Variants in THRAP3 observed in about 807,000 individuals in gnomAD.
THRAP3 encodes thyroid hormone receptor-associated protein 3.
THRAP3 carries 16 observed loss-of-function variants against 101.0 expected under a neutral mutation model. That is an observed-to-expected ratio of 0.16 (90% confidence interval 0.11 to 0.24). The LOEUF is 0.24. THRAP3 is among the 10% of genes least tolerant of loss of function. The pLI, the probability that THRAP3 is intolerant of heterozygous loss-of-function variation, is 1.00. For synonymous variants in THRAP3, 407 were observed against 422.6 expected, an observed-to-expected ratio of 0.96 and a Z score of 0.45; for missense variants, 989 against 1,202.7, an observed-to-expected ratio of 0.82 and a Z score of 2.63.
chr1:36,245,376 C>T (rs1379702773), intron 1 of THRAP3, among the ~76,000 whole-genome samples: 1 of 151,976 alleles, frequency 6.6e-6, no homozygotes, highest in Non-Finnish European at 1.5e-5. Flanking sequence ...ACCATTTTGG[C>T]CAGGCTGGTC....
chr1:36,264,560 C>CGTT (rs1456265533), intron 2 of THRAP3, among the ~76,000 whole-genome samples: 11 of 152,196 alleles, frequency 7.2e-5, no homozygotes, highest in Admixed American at 7.2e-4. Context: ...TATTTCCTCA[C>CGTT]CTAACACCCA....
At chr1:36,238,084 C>T (rs1010224677) in intron 1 of THRAP3, among the ~76,000 whole-genome samples, 15 of 152,040 alleles carry the variant, frequency 9.9e-5, no homozygotes, top group African/African-American at 2.9e-4. Context: ...CCACTCATCT[C>T]GGCCTCCCAA....
intron 2 of THRAP3, among the ~76,000 whole-genome samples, chr1:36,281,808 C>T (rs372164860): frequency 2.0e-5 from 3 of 151,960 alleles, no homozygotes; most frequent in Admixed American, 6.6e-5. Context: ...CGGTGGCTCA[C>T]GCCTGTAATC....
intron 1 of THRAP3, among the ~76,000 whole-genome samples, chr1:36,249,001 A>G (rs938189341): frequency 1.3e-5 from 2 of 150,414 alleles, no homozygotes; most frequent in Non-Finnish European, 3.0e-5. Context: ...CCTGGGTTCA[A>G]ATGATTCTCC....
At chr1:36,221,785 C>T (rs1208472991), upstream of THRAP3, among the ~76,000 whole-genome samples, 1 of 150,918 alleles carries the variant, frequency 6.6e-6, no homozygotes. Context: ...GGAGTTTCAC[C>T]GTGTTGGTCA....
chr1:36,301,428 CCAG>C (rs1646029231), intron 10 of THRAP3, 122 bp from the exon 11 acceptor site: 1 of 1,245,002 alleles, frequency 8.0e-7, no homozygotes, highest in African/African-American at 1.5e-5. Context: ...AACCAGCTGA[CCAG>C]CATATGACTG....
Position 36,286,221 on chromosome 1 carries a change from A to G in THRAP3, c.138-147A>G. ...TTTGTACTTAGTAAGGGCCATACGT[A>G]GTGGGATTAAATATTTGTGCCCTTG... On this transcript the variant is annotated intron_variant, in intron 3 of 11. Transcript: ENST00000354618. The surrounding 1 kb of genome is among the most constrained non-coding windows in gnomAD (Gnocchi z 5.5). 1 of 714,988 alleles carries G rather than the reference A, an allele frequency of 1.4e-6. No individual in the cohort carries two copies. Among genetic ancestry groups the G allele is most frequent in the African/African-American group, 1.8e-5 (1 of 56,022 alleles). 44.3% of individuals were successfully genotyped at this position (714,988 alleles called of 1,614,324 possible).
chr1:36,254,161 C>T (rs1429255929), intron 1 of THRAP3, among the ~76,000 whole-genome samples: 1 of 152,098 alleles, frequency 6.6e-6, no homozygotes, highest in East Asian at 1.9e-4. Flanking sequence ...GTGACGGAGA[C>T]CACGTCTCAA....
intron 1 of THRAP3, among the ~76,000 whole-genome samples, chr1:36,229,636 TGTTTGTTTGTTTGTTC>T (rs1007606136): frequency 5.3e-5 from 8 of 150,116 alleles, no homozygotes; most frequent in Non-Finnish European, 1.0e-4. Context: ...TGGAGCTTTT[TGTTTGTTTGTTTGTTC>T]GTTTGTTTGT....
At chr1:36,293,143 C>G (rs1645899814) in intron 7 of THRAP3, among the ~76,000 whole-genome samples, 1 of 140,566 alleles carries the variant, frequency 7.1e-6, no homozygotes, top group Non-Finnish European at 1.5e-5. Context: ...ATTCTCATGC[C>G]TTAGCCTCCC....
At chr1:36,288,469 A>G (rs1570331635) in intron 4 of THRAP3, 1 of 985,428 alleles carries the variant, frequency 1.0e-6, no homozygotes, top group Non-Finnish European at 1.2e-6. Context: ...CTGCTTTTCC[A>G]TAAGAAAGAG....
intron 1 of THRAP3, among the ~76,000 whole-genome samples, chr1:36,248,147 T>C (rs1427748909): frequency 6.6e-6 from 1 of 152,204 alleles, no homozygotes; most frequent in Admixed American, 6.6e-5. Flanking sequence ...ACCAAAGTGC[T>C]GGGATTACAG....
rs1645807717 is a variant in THRAP3, at chr1:36,287,204, G to C, written c.974G>C (p.Gly325Ala). The C allele has an allele frequency of 1.2e-6, 2 of 1,614,130 alleles. No individual in the cohort carries two copies. The highest frequency in any genetic ancestry group is 4.5e-5 in the East Asian group (2 of 44,884). ...SPVGKSPPSTGSTYGSSQKEE... is the reference protein window; with the variant it reads ...SPVGKSPPSTASTYGSSQKEE... Reference sequence around the variant, plus strand: ...GTGGGTAAGAGTCCACCATCCACTGGCTCCACATATGGCTCATCTCAGAAG... The same window carrying C: ...GTGGGTAAGAGTCCACCATCCACTGCCTCCACATATGGCTCATCTCAGAAG... The change falls in exon 4 of 12, where the codon GGC becomes GCC. Residue 325 changes from glycine to alanine, a missense_variant. Transcript: ENST00000354618.
chr1:36,304,163 G>C lies in THRAP3; in HGVS notation c.*146G>C, dbSNP rs926346929. The C allele has an allele frequency of 6.3e-6, 8 of 1,261,510 alleles. No individual in the cohort carries two copies. In the African/African-American group the frequency reaches 1.2e-4, roughly 19 times the overall value. The allele number at this position is 1,261,510 out of a possible 1,614,324, so 78.1% of individuals were successfully genotyped here. A position where few individuals can be genotyped will look rare whatever the true frequency, so the allele number is the denominator to read the frequency against. On this transcript the variant is annotated 3_prime_UTR_variant, in exon 12 of 12. Coordinates refer to ENST00000354618, the MANE Select transcript of THRAP3 (RefSeq NM_005119.4). ...CGCACAGATTGTACTACCGCGAGAGGCATCCCTGGCGCTGTCTCCCACTGG... is the reference window on the plus strand; with the variant it reads ...CGCACAGATTGTACTACCGCGAGAGCCATCCCTGGCGCTGTCTCCCACTGG...
chr1:36,275,873 G>A (rs1267547033), intron 2 of THRAP3, among the ~76,000 whole-genome samples: 9 of 151,976 alleles, frequency 5.9e-5, no homozygotes, highest in Non-Finnish European at 1.0e-4. Flanking sequence ...ACAAATATTA[G>A]CCAGGCATGG....
chr1:36,289,722 A>G lies in THRAP3; in HGVS notation c.1703A>G (p.Gln568Arg), dbSNP rs1297971813. 1 of 1,613,530 alleles carries G rather than the reference A, an allele frequency of 6.2e-7. No individual in the cohort carries two copies. The highest frequency in any genetic ancestry group is 2.2e-5 in the East Asian group (1 of 44,888). The change falls in exon 5 of 12, where the codon CAG (glutamine) becomes CGG (arginine). Residue 568 changes from glutamine to arginine, a missense_variant. Transcript: ENST00000354618. Reference protein sequence around the residue: ...KSSFSITREAQVNVRMDSFDE... With the variant: ...KSSFSITREARVNVRMDSFDE... The stretch of plus-strand genomic sequence containing the variant: ...TCCTTTTCCATTACTCGAGAGGCAC[A>G]GGTCAATGTCCGGATGGACTCTTTT...
At position 36,239,070 on chromosome 1, in the gene THRAP3, A is replaced by G. The variant is rs536441311; in HGVS notation, c.-135+14565A>G. On this transcript the variant is annotated intron_variant, in intron 1 of 11. Transcript: ENST00000354618. ...TGCCTCAGCCTCCCAAGTAGCTGGG[A>G]GTACAGGTGCCCACAACCACACCCG... Among the ~76,000 whole-genome samples the G allele has an allele frequency of 1.2e-4, 18 of 151,700 alleles. No homozygotes were observed. The East Asian group carries it at 3.3e-3, about 28-fold the overall frequency.
chr1:36,287,718 A>T, intron 4 of THRAP3: 1 of 985,462 alleles, frequency 1.0e-6, no homozygotes. Flanking sequence ...CCTCCAGTTG[A>T]GGAGACTGGG....
chr1:36,248,240 A>G (rs781234229), intron 1 of THRAP3, among the ~76,000 whole-genome samples: 1 of 151,774 alleles, frequency 6.6e-6, no homozygotes, highest in Non-Finnish European at 1.5e-5. Context: ...ATTTTTGTTC[A>G]TCTCCTCAGT....
Sources: gnomAD v4.1 joint callset for allele counts (sites outside exome capture counted in the v4.1 genomes callset) on GRCh38, gnomAD v4.1.1 for gene constraint, Gnocchi (gnomAD v3.1) non-coding constraint, MANE v1.5 for transcripts, NCBI Gene and HGNC (gene_info 2026-07-23, HGNC 2026-07-21) for gene names.